Variants in FAM222B observed in about 807,000 individuals in gnomAD.
The protein encoded by FAM222B is family with sequence similarity 222 member B.
FAM222B carries 12 observed loss-of-function variants against 38.0 expected under a neutral mutation model. That is an observed-to-expected ratio of 0.32 (90% CI 0.20 to 0.51). The LOEUF is 0.51. Among genes scored for constraint, FAM222B ranks in the 20% least tolerant of loss-of-function variants. FAM222B has a pLI of 0.97. For missense variants in FAM222B, 716 were observed against 754.2 expected, an observed-to-expected ratio of 0.95 and a Z score of 0.59; for synonymous variants, 329 against 317.2, an observed-to-expected ratio of 1.04 and a Z score of -0.40.
At chr17:28,838,728 G>A (rs1236919763) in intron 1 of FAM222B, among the ~76,000 whole-genome samples, 2 of 151,518 alleles carry the variant, frequency 1.3e-5, no homozygotes, top group Non-Finnish European at 2.9e-5. Flanking sequence ...CCAACATGGT[G>A]AAACGTCATC....
At chr17:28,818,877 G>A (rs2038122024) in intron 1 of FAM222B, among the ~76,000 whole-genome samples, 2 of 152,180 alleles carry the variant, frequency 1.3e-5, no homozygotes, top group Admixed American at 6.6e-5. Flanking sequence ...CTTGTGAATC[G>A]AGCATGATTT....
intron 2 of FAM222B, among the ~76,000 whole-genome samples, chr17:28,761,235 T>A (rs1434003635): frequency 6.6e-6 from 1 of 152,218 alleles, no homozygotes; most frequent in South Asian, 2.1e-4. Flanking sequence ...AGGAAAAGGT[T>A]CTGAGAACAA....
chr17:28,852,995 A>C (rs1598071890), intron 1 of FAM222B, among the ~76,000 whole-genome samples: 1 of 152,030 alleles, frequency 6.6e-6, no homozygotes, highest in African/African-American at 2.4e-5. Flanking sequence ...GGAGTTCAAG[A>C]CCAGCCTGAC....
Position 28,777,385 on chromosome 17 carries a change from C to G in FAM222B, c.-40-10678G>C, listed in dbSNP as rs2035942899. On this transcript the variant is annotated intron_variant, in intron 1 of 2. Transcript: ENST00000581407. ...AAGGTACTATTTATACCACTGCTCT[C>G]TTTGGCAAGGATACTCTGTCCGGGA... Among the ~76,000 whole-genome samples the G allele has an allele frequency of 2.0e-5, 3 of 152,178 alleles. 1 individual carries two copies. The highest frequency in any genetic ancestry group is 2.0e-4 in the Admixed American group (3 of 15,266).
At chr17:28,787,217 C>A (rs2036456563) in intron 1 of FAM222B, among the ~76,000 whole-genome samples, 1 of 152,170 alleles carries the variant, frequency 6.6e-6, no homozygotes, top group South Asian at 2.1e-4. Context: ...AGCCACCATG[C>A]CCAGCCCCCA....
chr17:28,761,504 G>A (rs1452406285), intron 2 of FAM222B, among the ~76,000 whole-genome samples: 1 of 152,202 alleles, frequency 6.6e-6, no homozygotes, highest in African/African-American at 2.4e-5. Context: ...TGTGGCCTCA[G>A]GTGGCCTTGG....
intron 1 of FAM222B, among the ~76,000 whole-genome samples, chr17:28,783,508 CATGAG>C (rs141357327): frequency 0.18 from 27,702 of 150,514 alleles, 2,670 homozygotes; most frequent in South Asian, 0.29. Context: ...ACCCTACCTT[CATGAG>C]ATTTTTTTTT....
chr17:28,840,719 G>A (rs1301665320), intron 1 of FAM222B, among the ~76,000 whole-genome samples: 1 of 152,138 alleles, frequency 6.6e-6, no homozygotes, highest in Non-Finnish European at 1.5e-5. Flanking sequence ...CACTTTGGGA[G>A]GCTGGGGCGG....
intron 1 of FAM222B, among the ~76,000 whole-genome samples, chr17:28,782,254 C>T (rs1373103206): frequency 6.6e-6 from 1 of 151,790 alleles, no homozygotes; most frequent in East Asian, 1.9e-4. Flanking sequence ...CTCAGGAGCT[C>T]GAGGTTGCAG....
At chr17:28,778,720 T>TATATATATATA (rs1491503132) in intron 1 of FAM222B, among the ~76,000 whole-genome samples, 4 of 35,942 alleles carry the variant, frequency 1.1e-4, no homozygotes, top group Non-Finnish European at 1.6e-4. Context: ...TATATATATA[T>TATATATATATA]TTTTTTTTTT....
chr17:28,836,089 A>T (rs191318391), intron 1 of FAM222B, among the ~76,000 whole-genome samples: 3 of 151,910 alleles, frequency 2.0e-5, no homozygotes, highest in Non-Finnish European at 4.4e-5. Context: ...TCCCGTGTTC[A>T]AACAATTCTC....
intron 1 of FAM222B, among the ~76,000 whole-genome samples, chr17:28,838,209 G>A (rs1287591469): frequency 1.3e-5 from 2 of 152,086 alleles, no homozygotes; most frequent in African/African-American, 4.8e-5. Flanking sequence ...CTTGAGCCAG[G>A]GAGGCAGAGG....
chr17:28,804,961 G>A (rs992169982), intron 1 of FAM222B, among the ~76,000 whole-genome samples: 1 of 151,756 alleles, frequency 6.6e-6, no homozygotes, highest in Non-Finnish European at 1.5e-5. Flanking sequence ...CGGGGGAATG[G>A]CGTGAACCCC....
In FAM222B at chr17:28,759,424, G is replaced by C. The variant is rs1267598438; in HGVS notation, c.535C>G (p.Pro179Ala). 1.3e-6 allele frequency: 2 copies of C among 1,587,662 alleles called. No individual in the cohort carries two copies. Among genetic ancestry groups the C allele is most frequent in the Non-Finnish European group, 1.7e-6 (2 of 1,168,866 alleles). The change falls in exon 3 of 3, where the codon CCG (proline) becomes GCG (alanine). Residue 179 changes from proline to alanine, a missense_variant. Pro to Ala is a conservative substitution (Grantham distance 27). Coordinates refer to ENST00000581407, the MANE Select transcript of FAM222B (RefSeq NM_001077498.3). The surrounding 1 kb of genome is among the most constrained non-coding windows in gnomAD (Gnocchi z 4.8). ...PQTLQHPQGIPPPQALSHPQS... is the reference protein window; with the variant it reads ...PQTLQHPQGIAPPQALSHPQS... ...GGGTGGGACAGTGCCTGGGGTGGCG[G>C]GATACCCTGAGGGTGCTGCAGCGTC...
At chr17:28,775,969 G>A (rs1450843411) in intron 1 of FAM222B, among the ~76,000 whole-genome samples, 1 of 151,828 alleles carries the variant, frequency 6.6e-6, no homozygotes, top group Admixed American at 6.6e-5. Context: ...CCAGCTACTT[G>A]GGAGGCTGAG....
intron 1 of FAM222B, among the ~76,000 whole-genome samples, chr17:28,835,562 TG>T (rs1404086606): frequency 9.9e-5 from 15 of 152,194 alleles, no homozygotes; most frequent in Non-Finnish European, 2.2e-4. Context: ...ATTCGCAAAT[TG>T]ATACTTATGT....
intron 1 of FAM222B, among the ~76,000 whole-genome samples, chr17:28,779,549 T>A (rs1466231878): frequency 1.3e-5 from 2 of 151,856 alleles, no homozygotes; most frequent in Non-Finnish European, 1.5e-5. Flanking sequence ...CAGGAGATCG[T>A]GACCATCCTG....
chr17:28,853,997 G>T (rs2058149045), intron 1 of FAM222B, among the ~76,000 whole-genome samples: 1 of 145,028 alleles, frequency 6.9e-6, no homozygotes, highest in Admixed American at 7.1e-5. Flanking sequence ...AGGCTGGAGT[G>T]CAGTGGTGCA....
At chr17:28,826,890 C>T (rs1006472586) in intron 1 of FAM222B, among the ~76,000 whole-genome samples, 6 of 152,072 alleles carry the variant, frequency 3.9e-5, no homozygotes, top group Non-Finnish European at 8.8e-5. Flanking sequence ...CCTGTAATCC[C>T]AGCACTTTGC....
Sources: gnomAD v4.1 joint callset for allele counts (sites outside exome capture counted in the v4.1 genomes callset) on GRCh38, gnomAD v4.1.1 for gene constraint, Gnocchi (gnomAD v3.1) non-coding constraint, MANE v1.5 for transcripts, NCBI Gene and HGNC (gene_info 2026-07-23, HGNC 2026-07-21) for gene names.